Variants in ZPBP observed in about 807,000 individuals in gnomAD.
ZPBP encodes zona pellucida-binding protein 1.
ZPBP carries 26 observed loss-of-function variants against 44.8 expected under a neutral mutation model. The observed-to-expected ratio is 0.58, with a 90% CI of 0.43 to 0.81. ZPBP has a LOEUF of 0.81. ZPBP is among the 30% of genes least tolerant of loss of function. ZPBP has a pLI of 0.00. For synonymous variants in ZPBP, 174 were observed against 153.2 expected (o/e 1.14, Z -1.00); for missense variants, 409 against 434.0 (o/e 0.94, Z 0.51).
intron 4 of ZPBP, among the ~76,000 whole-genome samples, chr7:50,042,293 G>T (rs1458698912): frequency 1.3e-5 from 2 of 152,068 alleles, no homozygotes; most frequent in African/African-American, 4.8e-5. Flanking sequence ...TAGCAAGACA[G>T]GCCAACATTC....
intron 1 of ZPBP, among the ~76,000 whole-genome samples, chr7:49,930,657 T>C (rs1794415274): frequency 6.6e-6 from 1 of 152,166 alleles, no homozygotes; most frequent in African/African-American, 2.4e-5. Flanking sequence ...GGTATAATCC[T>C]TAGAAAATAC....
chr7:49,971,340 T>C (rs1349969727), intron 7 of ZPBP, among the ~76,000 whole-genome samples: 1 of 151,592 alleles, frequency 6.6e-6, no homozygotes, highest in Non-Finnish European at 1.5e-5. Flanking sequence ...TTTGAGAAGA[T>C]CAAAAAAGGG....
At chr7:49,914,061 C>T (rs1224356513) in intron 1 of ZPBP, 1 of 152,204 alleles carries the variant, frequency 6.6e-6, no homozygotes, top group East Asian at 1.9e-4. Flanking sequence ...GTATTAAAGA[C>T]TGGTAGACAT....
intron 6 of ZPBP, among the ~76,000 whole-genome samples, chr7:50,004,543 A>G (rs1292188473): frequency 6.6e-6 from 1 of 152,124 alleles, no homozygotes; most frequent in Non-Finnish European, 1.5e-5. Flanking sequence ...TTATAGATAC[A>G]TATATCCTAT....
At chr7:49,997,388 T>C (rs937496969) in intron 6 of ZPBP, among the ~76,000 whole-genome samples, 3 of 152,180 alleles carry the variant, frequency 2.0e-5, no homozygotes, top group Non-Finnish European at 2.9e-5. Context: ...TAACATCTAA[T>C]ACCCCATAGC....
At chr7:50,048,596 G>GA (rs1800511150) in intron 4 of ZPBP, among the ~76,000 whole-genome samples, 1 of 151,808 alleles carries the variant, frequency 6.6e-6, no homozygotes, top group Non-Finnish European at 1.5e-5. Flanking sequence ...ATAGATCAAA[G>GA]AAAAAATCAA....
In ZPBP at chr7:50,071,807, T is replaced by A. The variant is rs189329830; in HGVS notation, c.334+9967A>T. 1.9e-3 allele frequency among the ~76,000 whole-genome samples: 292 copies of A among 152,038 alleles called. 1 individual carries two copies. The highest frequency in any genetic ancestry group is 0.014 in the Middle Eastern group (4 of 294). On this transcript the variant is annotated intron_variant, in intron 3 of 7. Coordinates refer to ENST00000046087, the MANE Select transcript of ZPBP (RefSeq NM_007009.3). Reference sequence around the variant, plus strand: ...TGCTGCCTTAAAAAAAAAGACCCAGTCCTGGCAGCATTCATCATCTGCTAA... The same window carrying A: ...TGCTGCCTTAAAAAAAAAGACCCAGACCTGGCAGCATTCATCATCTGCTAA...
chr7:49,871,026 A>G (rs567624888), intron 2 of ZPBP, among the ~76,000 whole-genome samples: 1 of 152,300 alleles, frequency 6.6e-6, no homozygotes, highest in Middle Eastern at 3.4e-3. Context: ...AAACCATGAA[A>G]AGTATTCCAC....
At chr7:49,901,737 T>C (rs960903405) in intron 1 of ZPBP, among the ~76,000 whole-genome samples, 3 of 151,744 alleles carry the variant, frequency 2.0e-5, no homozygotes, top group Non-Finnish European at 4.4e-5. Flanking sequence ...GCCAACACGA[T>C]ATTGAAAGAG....
At chr7:49,895,643 A>G (rs1792349697) in intron 2 of ZPBP, among the ~76,000 whole-genome samples, 1 of 152,226 alleles carries the variant, frequency 6.6e-6, no homozygotes, top group Admixed American at 6.5e-5. Context: ...ACACAATGTA[A>G]CATATCAGTA....
chr7:50,001,496 G>C (rs1002429280), intron 6 of ZPBP, among the ~76,000 whole-genome samples: 3 of 151,988 alleles, frequency 2.0e-5, no homozygotes, highest in Non-Finnish European at 4.4e-5. Context: ...CCTCTTTTTT[G>C]TATCTGGTAA....
intron 2 of ZPBP, among the ~76,000 whole-genome samples, chr7:49,853,884 G>T (rs1261322522): frequency 7.3e-5 from 9 of 122,530 alleles, no homozygotes; most frequent in African/African-American, 3.0e-4. Flanking sequence ...CCCACAACAG[G>T]CCCCGGTGTG....
intron 4 of ZPBP, among the ~76,000 whole-genome samples, chr7:50,045,329 G>T (rs1342150980): frequency 6.6e-6 from 1 of 152,118 alleles, no homozygotes; most frequent in Non-Finnish European, 1.5e-5. Flanking sequence ...AACATAAAGG[G>T]TATTCAAATA....
chr7:50,052,012 A>T (rs557806689), intron 4 of ZPBP, among the ~76,000 whole-genome samples: 1 of 152,294 alleles, frequency 6.6e-6, no homozygotes, highest in East Asian at 1.9e-4. Flanking sequence ...CAGAAAAAAA[A>T]CAGACTATCT....
intron 7 of ZPBP, among the ~76,000 whole-genome samples, chr7:49,976,537 G>A (rs1471828188): frequency 1.3e-5 from 2 of 152,076 alleles, no homozygotes; most frequent in Non-Finnish European, 2.9e-5. Flanking sequence ...AGAAAGGAAG[G>A]GAGCTATGCT....
chr7:49,968,523 TTAAC>T (rs776086175), intron 7 of ZPBP, among the ~76,000 whole-genome samples: 35 of 152,136 alleles, frequency 2.3e-4, no homozygotes, highest in Non-Finnish European at 4.0e-4. Flanking sequence ...ATGGAGCTGA[TTAAC>T]TAAATGTTAA....
chr7:50,093,149 T>TCCGCCGCCTGCC lies in ZPBP; in HGVS notation c.34_45dup (p.Gly12_Arg15dup), dbSNP rs1357666897. The TCCGCCGCCTGCC allele has an allele frequency of 6.5e-7, 1 of 1,540,190 alleles. No individual in the cohort carries two copies. The highest frequency in any genetic ancestry group is 1.4e-5 in the African/African-American group (1 of 71,244). On this transcript the variant is annotated inframe_insertion, in exon 1 of 8. Coordinates refer to ENST00000046087, the MANE Select transcript of ZPBP (RefSeq NM_007009.3). ...GAGAGCAGGGAGCCGGCGGCCCGGGTCCGCCGCCTGCCCCGCCGCGCTGGG... is the reference window on the plus strand; with the variant it reads ...GAGAGCAGGGAGCCGGCGGCCCGGGTCCGCCGCCTGCCCCGCCGCCTGCCCCGCCGCGCTGGG...
At chr7:49,894,663 G>A (rs1413047248) in intron 2 of ZPBP, among the ~76,000 whole-genome samples, 1 of 152,238 alleles carries the variant, frequency 6.6e-6, no homozygotes, top group Admixed American at 6.5e-5. Flanking sequence ...CTCCTGTCCT[G>A]AGGGACTTCC....
chr7:50,050,788 CAAAAAAAAA>C (rs751875216), intron 4 of ZPBP, among the ~76,000 whole-genome samples: 3 of 26,848 alleles, frequency 1.1e-4, no homozygotes, highest in Admixed American at 5.1e-4. Context: ...GACTCCGTCT[CAAAAAAAAA>C]AAAAAAAAAA....
Sources: allele counts gnomAD v4.1 joint callset (sites outside exome capture counted in the v4.1 genomes callset), GRCh38; gene constraint gnomAD v4.1.1; transcripts MANE v1.5; gene names NCBI Gene and HGNC (gene_info 2026-07-23, HGNC 2026-07-21).